CENPK: variants seen among roughly 807,000 people sequenced by gnomAD.
The protein encoded by CENPK is centromere protein K, also known as SoxLZ/Sox6-binding protein Solt.
A neutral mutation model predicts 40.9 loss-of-function variants in CENPK; 46 were observed. The observed-to-expected ratio is 1.13, with a 90% CI of 0.89 to 1.44. The LOEUF is 1.44. Ranked by LOEUF, CENPK falls within the 40% of genes most tolerant of loss-of-function variation. The probability of loss-of-function intolerance (pLI) is 0.00; values close to 1 mark genes in which losing one functional copy is unlikely to be tolerated. For synonymous variants in CENPK, 107 were observed against 104.4 expected, an observed-to-expected ratio of 1.02 and a Z score of -0.15; for missense variants, 288 against 303.5, an observed-to-expected ratio of 0.95 and a Z score of 0.38.
chr5:65,534,050 C>CAAAAAA (rs60018569), intron 6 of CENPK, among the ~76,000 whole-genome samples: 107 of 90,836 alleles, frequency 1.2e-3, no homozygotes, highest in Middle Eastern at 0.016. Context: ...ACCGTCTCAA[C>CAAAAAA]AAAAAAAAAA....
intron 2 of CENPK, 197 bp from the exon 3 acceptor site, chr5:65,555,143 A>G (rs1750767533): frequency 3.4e-6 from 1 of 292,044 alleles, no homozygotes. Context: ...ATATCAAATG[A>G]TTTATAAGTG....
chr5:65,501,762 T>C, the CENPK span, among the ~76,000 whole-genome samples: 5 of 152,172 alleles, frequency 3.3e-5, no homozygotes, highest in Admixed American at 6.5e-5. Flanking sequence ...TCTGGGCAGC[T>C]GTGGAAATTC....
At position 65,518,541 on chromosome 5, in the gene CENPK, A is replaced by G. The variant is rs1004913643; in HGVS notation, c.744T>C (p.Arg248=). Residue 248 remains arginine (R), a synonymous_variant, in exon 11 of 11, where the codon CGT becomes CGC. Transcript: ENST00000396679. ...CTGGATGTCTCAAGGCAATTCCATT[A>G]CGCAGCAGCAGCTCAACATAAGGTG... ...FWPPYVELLL[R]NGIALRHPED... 1 of 1,613,628 alleles carries G rather than the reference A, an allele frequency of 6.2e-7. No homozygotes were observed. The highest frequency in any genetic ancestry group is 1.7e-5 in the Admixed American group (1 of 59,894).
At chr5:65,551,532 CA>C (rs765048085) in intron 5 of CENPK, 31 bp downstream of exon 5, 2 of 1,233,514 alleles carry the variant, frequency 1.6e-6, no homozygotes, top group Non-Finnish European at 2.3e-6. Context: ...AATAGGTTTA[CA>C]AAAAATTCAA....
the CENPK span, among the ~76,000 whole-genome samples, chr5:65,509,309 T>C: frequency 2.0e-5 from 3 of 152,150 alleles, no homozygotes; most frequent in African/African-American, 4.8e-5. Context: ...CCCTTCTCAG[T>C]CTCAACCTCT....
At chr5:65,518,961 A>C (rs950651734) in intron 10 of CENPK, among the ~76,000 whole-genome samples, 7 of 152,206 alleles carry the variant, frequency 4.6e-5, no homozygotes, top group African/African-American at 7.2e-5. Flanking sequence ...TTCACAAAAA[A>C]CACAAAAAGT....
At chr5:65,561,150 A>G (rs1277217806) in intron 2 of CENPK, 1 of 173,894 alleles carries the variant, frequency 5.8e-6, no homozygotes, top group Non-Finnish European at 1.3e-5. Context: ...AGTGTTAGCT[A>G]TTAACAATTT....
chr5:65,510,580 G>A, the CENPK span, among the ~76,000 whole-genome samples: 1 of 152,162 alleles, frequency 6.6e-6, no homozygotes, highest in Admixed American at 6.5e-5. Flanking sequence ...TTCAAGACCA[G>A]CCTGGCTAAC....
chr5:65,557,609 C>T (rs1751208459), intron 2 of CENPK, among the ~76,000 whole-genome samples: 1 of 152,200 alleles, frequency 6.6e-6, no homozygotes, highest in African/African-American at 2.4e-5. Context: ...CCCAGACATA[C>T]ACACGATCAT....
the CENPK span, among the ~76,000 whole-genome samples, chr5:65,511,870 AAGATCAG>A: frequency 2.1e-4 from 32 of 152,192 alleles, no homozygotes; most frequent in African/African-American, 7.5e-4. Flanking sequence ...TGGTGACAAA[AAGATCAG>A]AGATGGCTGC....
intron 4 of CENPK, 149 bp downstream of exon 4, chr5:65,552,344 A>C: frequency 2.2e-6 from 1 of 450,926 alleles, no homozygotes; most frequent in Non-Finnish European, 3.9e-6. Flanking sequence ...TTCTTAAAGC[A>C]GGAAGAGTAA....
At chr5:65,523,563 G>A (rs923379511) in intron 9 of CENPK, among the ~76,000 whole-genome samples, 2 of 152,078 alleles carry the variant, frequency 1.3e-5, no homozygotes, top group African/African-American at 4.8e-5. Context: ...GAAAAAGAGT[G>A]GTATAAATGA....
intron 1 of CENPK, among the ~76,000 whole-genome samples, chr5:65,562,144 A>T (rs540356825): frequency 6.6e-6 from 1 of 152,178 alleles, no homozygotes; most frequent in East Asian, 1.9e-4. Flanking sequence ...AATGTTAACT[A>T]GCTACATTAT....
At chr5:65,512,538 G>C in the CENPK span, among the ~76,000 whole-genome samples, 1 of 152,182 alleles carries the variant, frequency 6.6e-6, no homozygotes, top group Admixed American at 6.5e-5. Flanking sequence ...CTAGGTGAAG[G>C]CTGATTAGGC....
intron 6 of CENPK, among the ~76,000 whole-genome samples, chr5:65,535,268 G>C (rs1383752391): frequency 6.6e-6 from 1 of 152,158 alleles, no homozygotes; most frequent in East Asian, 1.9e-4. Context: ...TGAAAAGACA[G>C]TTGTGCAGGA....
chr5:65,512,484 A>G, the CENPK span, among the ~76,000 whole-genome samples: 1 of 152,364 alleles, frequency 6.6e-6, no homozygotes, highest in Non-Finnish European at 1.5e-5. Flanking sequence ...CCAATCAGTC[A>G]GCAGCCATTA....
At chr5:65,530,760 A>G (rs1243776770) in intron 6 of CENPK, among the ~76,000 whole-genome samples, 1 of 151,736 alleles carries the variant, frequency 6.6e-6, no homozygotes, top group Admixed American at 6.6e-5. Context: ...AAATACAAAA[A>G]TTAGCCAGGC....
At chr5:65,529,250 T>A (rs1314490014) in intron 6 of CENPK, 51 bp from the exon 7 acceptor site, 3 of 1,218,182 alleles carry the variant, frequency 2.5e-6, no homozygotes, top group Middle Eastern at 2.3e-4. Flanking sequence ...CCCAGTTTTA[T>A]TTCTGAACGA....
At chr5:65,498,205 TTTATATA>T in the CENPK span, among the ~76,000 whole-genome samples, 2 of 152,062 alleles carry the variant, frequency 1.3e-5, no homozygotes, top group East Asian at 3.8e-4. Context: ...CTGAAACATT[TTTATATA>T]TTATATATCT....
Sources: allele counts gnomAD v4.1 joint callset (sites outside exome capture counted in the v4.1 genomes callset), GRCh38; gene constraint gnomAD v4.1.1; transcripts MANE v1.5; gene names NCBI Gene and HGNC (gene_info 2026-07-23, HGNC 2026-07-21).